The following SPAG16 variants were observed in gnomAD, a reference collection of about 807,000 sequenced individuals.
SPAG16 encodes the protein sperm associated antigen 16, also known as sperm-associated antigen 16 protein.
SPAG16 carries 86 observed loss-of-function variants against 80.4 expected under a neutral mutation model. That is an observed-to-expected ratio of 1.07 (90% CI 0.90 to 1.28). The LOEUF (loss-of-function observed/expected upper bound fraction) is 1.28. SPAG16 is among the 50% of genes most tolerant of loss of function. The pLI, the probability that SPAG16 is intolerant of heterozygous loss-of-function variation, is 0.00. For synonymous variants in SPAG16, 294 were observed against 265.9 expected (o/e 1.11, Z -1.03); for missense variants, 870 against 765.3 (o/e 1.14, Z -1.61).
intron 10 of SPAG16, among the ~76,000 whole-genome samples, chr2:213,703,120 T>C (rs766549252): frequency 7.2e-5 from 11 of 152,168 alleles, no homozygotes; most frequent in Non-Finnish European, 1.3e-4. Flanking sequence ...CCTGTGATAA[T>C]AGACATAGTG....
chr2:213,310,624 C>T (rs1481769185), intron 4 of SPAG16, among the ~76,000 whole-genome samples: 1 of 151,698 alleles, frequency 6.6e-6, no homozygotes, highest in Admixed American at 6.6e-5. Context: ...TCTTTTTCTA[C>T]TCACATAGCT....
chr2:214,080,175 G>A (rs1196811594), intron 13 of SPAG16, among the ~76,000 whole-genome samples: 1 of 152,108 alleles, frequency 6.6e-6, no homozygotes, highest in Non-Finnish European at 1.5e-5. Flanking sequence ...GTGAGGCTGA[G>A]AATTCATTGG....
chr2:214,174,035 C>T (rs1297793795), intron 15 of SPAG16, among the ~76,000 whole-genome samples: 1 of 152,014 alleles, frequency 6.6e-6, no homozygotes, highest in Non-Finnish European at 1.5e-5. Context: ...ATCCTTCATG[C>T]TAAAAACTCT....
intron 10 of SPAG16, among the ~76,000 whole-genome samples, chr2:213,770,741 G>C (rs2069196311): frequency 6.6e-6 from 1 of 152,088 alleles, no homozygotes; most frequent in African/African-American, 2.4e-5. Flanking sequence ...GTGTTAGTTT[G>C]CTGAGGGATA....
At chr2:214,297,437 T>C (rs1229259869) in intron 15 of SPAG16, among the ~76,000 whole-genome samples, 1 of 152,098 alleles carries the variant, frequency 6.6e-6, no homozygotes, top group Non-Finnish European at 1.5e-5. Flanking sequence ...TTTATATTTA[T>C]TTTTATATTT....
chr2:214,248,889 T>C (rs1690048386), intron 15 of SPAG16, among the ~76,000 whole-genome samples: 1 of 152,146 alleles, frequency 6.6e-6, no homozygotes, highest in African/African-American at 2.4e-5. Flanking sequence ...TCTGATGATA[T>C]AAGTTTTGCA....
intron 15 of SPAG16, among the ~76,000 whole-genome samples, chr2:214,408,530 T>G (rs1559278989): frequency 6.6e-6 from 1 of 152,184 alleles, no homozygotes; most frequent in Non-Finnish European, 1.5e-5. Context: ...GGTTTGCAAA[T>G]AGGTTGTATT....
chr2:213,647,723 T>C (rs1034089916), intron 10 of SPAG16, among the ~76,000 whole-genome samples: 3 of 152,224 alleles, frequency 2.0e-5, no homozygotes, highest in Admixed American at 6.5e-5. Flanking sequence ...CCAATCTCTG[T>C]AGGTCAGGCT....
chr2:213,877,467 A>G (rs1391985974), intron 11 of SPAG16, among the ~76,000 whole-genome samples: 1 of 151,960 alleles, frequency 6.6e-6, no homozygotes, highest in Admixed American at 6.6e-5. Context: ...ACGCTACCAC[A>G]CCCAACTAAT....
intron 15 of SPAG16, among the ~76,000 whole-genome samples, chr2:214,339,060 A>T (rs900294169): frequency 2.6e-5 from 4 of 152,224 alleles, no homozygotes; most frequent in African/African-American, 9.6e-5. Context: ...CAGAAGTTTT[A>T]GGGCTAGTAA....
At chr2:213,494,810 C>G (rs551512351) in intron 10 of SPAG16, among the ~76,000 whole-genome samples, 2 of 152,194 alleles carry the variant, frequency 1.3e-5, no homozygotes, top group Non-Finnish European at 2.9e-5. Context: ...CCCACTCTCC[C>G]TTGCCCTATC....
At chr2:214,050,244 A>G (rs2049569822) in intron 13 of SPAG16, among the ~76,000 whole-genome samples, 1 of 152,052 alleles carries the variant, frequency 6.6e-6, no homozygotes. Context: ...TTAGCTGAAG[A>G]ATCAGCTAAT....
At chr2:214,261,105 C>A (rs1443819455) in intron 15 of SPAG16, among the ~76,000 whole-genome samples, 6 of 49,074 alleles carry the variant, frequency 1.2e-4, no homozygotes, top group Non-Finnish European at 1.6e-4. Flanking sequence ...AAGACTCAGT[C>A]TCAAAAAAAA....
rs376354472 is a variant in SPAG16 at position 213,393,429 on chromosome 2, TG to T, written c.942+18311del. ...TAAAATGAAAATTACAAAATACATA[TG>T]TAGTCTTCAACTTGCTTTTTTGATT... On this transcript the variant is annotated intron_variant, in intron 9 of 15. Transcript: ENST00000331683. 4.0e-4 allele frequency among the ~76,000 whole-genome samples: 61 copies of T among 152,002 alleles called. No individual in the cohort carries two copies. In the East Asian group the frequency reaches 0.01, roughly 25 times the overall value.
intron 9 of SPAG16, among the ~76,000 whole-genome samples, chr2:213,466,396 T>G (rs62192332): frequency 6.6e-6 from 1 of 152,208 alleles, no homozygotes; most frequent in Non-Finnish European, 1.5e-5. Context: ...AAGGCCCTTT[T>G]AATATTTGGT....
chr2:213,440,406 T>G (rs1019408676), intron 9 of SPAG16, among the ~76,000 whole-genome samples: 2 of 151,982 alleles, frequency 1.3e-5, no homozygotes, highest in Non-Finnish European at 2.9e-5. Context: ...TACAAAAAAT[T>G]TAGCTGGGCG....
intron 10 of SPAG16, among the ~76,000 whole-genome samples, chr2:213,827,744 A>T (rs572745393): frequency 6.6e-6 from 1 of 152,008 alleles, no homozygotes; most frequent in Non-Finnish European, 1.5e-5. Context: ...TGTCTGGGAA[A>T]GTCTTTATTT....
chr2:214,386,845 C>T (rs926016003), intron 15 of SPAG16, among the ~76,000 whole-genome samples: 1 of 143,158 alleles, frequency 7.0e-6, no homozygotes, highest in African/African-American at 2.7e-5. Flanking sequence ...GCCTTGGCAA[C>T]AGAGTGAGAC....
intron 15 of SPAG16, among the ~76,000 whole-genome samples, chr2:214,304,656 G>A (rs1480049745): frequency 2.0e-5 from 3 of 152,152 alleles, no homozygotes; most frequent in African/African-American, 7.2e-5. Context: ...CTGTGTGTGT[G>A]TCTTTAATTC....
Sources: gnomAD v4.1 joint callset for allele counts (sites outside exome capture counted in the v4.1 genomes callset) on GRCh38, gnomAD v4.1.1 for gene constraint, MANE v1.5 for transcripts, NCBI Gene and HGNC (gene_info 2026-07-23, HGNC 2026-07-21) for gene names.